UVRAG: variants seen among roughly 807,000 people sequenced by gnomAD.
The protein encoded by UVRAG is UV radiation resistance-associated gene protein.
A neutral mutation model predicts 78.0 loss-of-function variants in UVRAG; 19 were observed. The observed-to-expected ratio is 0.24, with a 90% CI of 0.17 to 0.36. The LOEUF is 0.36. Among genes scored for constraint, UVRAG ranks in the 10% least tolerant of loss-of-function variants. UVRAG has a pLI of 1.00. For missense variants in UVRAG, 740 were observed against 853.8 expected (o/e 0.87, Z 1.66); for synonymous variants, 323 against 324.6 (o/e 1.00, Z 0.05).
chr11:75,827,840 C>G (rs1452314083), intron 1 of UVRAG, among the ~76,000 whole-genome samples: 2 of 151,992 alleles, frequency 1.3e-5, no homozygotes, highest in African/African-American at 4.8e-5. Context: ...ATCCAGAAAA[C>G]TAAACTTTTA....
At position 75,861,690 on chromosome 11, in the gene UVRAG, G is replaced by A. The variant is rs1231244950; in HGVS notation, c.236-56G>A. On this transcript the variant is annotated intron_variant, in intron 2 of 14. Coordinates refer to ENST00000356136, the MANE Select transcript of UVRAG (RefSeq NM_003369.4). ...AAAAAAATTAGAGGATTAACAGTTG[G>A]TTAATGGGCTTATTTTCTTTCATAT... 9 of 1,336,152 alleles carry A rather than the reference G, an allele frequency of 6.7e-6. No individual in the cohort carries two copies. The South Asian group carries it at 1.1e-4, about 17-fold the overall frequency. 82.8% of individuals were successfully genotyped at this position (1,336,152 alleles called of 1,614,324 possible).
chr11:76,008,503 T>G (rs895880932), intron 10 of UVRAG, among the ~76,000 whole-genome samples: 11 of 152,224 alleles, frequency 7.2e-5, no homozygotes, highest in African/African-American at 2.7e-4. Flanking sequence ...TGAGTTTGCT[T>G]ATAGAATCTT....
chr11:75,980,405 A>G (rs958280029), intron 7 of UVRAG, among the ~76,000 whole-genome samples: 14 of 152,128 alleles, frequency 9.2e-5, no homozygotes, highest in South Asian at 2.1e-4. Flanking sequence ...GGCTCAAGCA[A>G]TCCTCCCACC....
chr11:75,854,704 A>C (rs1946247137), intron 2 of UVRAG, among the ~76,000 whole-genome samples: 1 of 152,238 alleles, frequency 6.6e-6, no homozygotes, highest in Non-Finnish European at 1.5e-5. Context: ...GATGTGAGCC[A>C]CTGTGCTTGG....
At chr11:76,112,616 G>A (rs930146999) in intron 13 of UVRAG, among the ~76,000 whole-genome samples, 1 of 152,136 alleles carries the variant, frequency 6.6e-6, no homozygotes, top group African/African-American at 2.4e-5. Flanking sequence ...AGCAGAGAGA[G>A]GAGGCTTCAG....
At chr11:76,041,645 A>G (rs143533610) in intron 12 of UVRAG, among the ~76,000 whole-genome samples, 57 of 152,350 alleles carry the variant, frequency 3.7e-4, no homozygotes, top group African/African-American at 1.3e-3. Context: ...AGTGAATTCT[A>G]TCTTCCAAAT....
chr11:76,135,019 G>GAATT (rs1212053579), intron 14 of UVRAG, among the ~76,000 whole-genome samples: 2 of 152,126 alleles, frequency 1.3e-5, no homozygotes, highest in African/African-American at 4.8e-5. Flanking sequence ...ATCCTGTTGT[G>GAATT]AATTGTACAT....
At chr11:75,824,799 T>A (rs1429864877) in intron 1 of UVRAG, among the ~76,000 whole-genome samples, 1 of 146,778 alleles carries the variant, frequency 6.8e-6, no homozygotes, top group Admixed American at 6.9e-5. Flanking sequence ...TCAGCCTCCC[T>A]AGTAGCTGGG....
chr11:75,977,631 T>G (rs1949273956), intron 7 of UVRAG, among the ~76,000 whole-genome samples: 1 of 152,230 alleles, frequency 6.6e-6, no homozygotes, highest in Non-Finnish European at 1.5e-5. Flanking sequence ...TGTAATGGCC[T>G]TCTTTGTCTC....
intron 6 of UVRAG, chr11:75,941,998 G>A (rs917917899): frequency 6.6e-6 from 1 of 152,110 alleles, no homozygotes; most frequent in African/African-American, 2.4e-5. Flanking sequence ...AAATGATAAT[G>A]AATAACTAGT....
chr11:75,960,830 A>T (rs1440465537), intron 6 of UVRAG, among the ~76,000 whole-genome samples: 1 of 152,218 alleles, frequency 6.6e-6, no homozygotes, highest in African/African-American at 2.4e-5. Context: ...ACCATAATTT[A>T]AAAATAAAAA....
In UVRAG at chr11:75,939,980, A is replaced by G. The variant is rs1346505183; in HGVS notation, c.594-21464A>G. On this transcript the variant is annotated intron_variant, in intron 6 of 14. Coordinates refer to ENST00000356136, the MANE Select transcript of UVRAG (RefSeq NM_003369.4). ...CCAATCCTGAAACACTATACCAAAA[A>G]CTTAAATGAGCAAAATTAATCACAT... Among the ~76,000 whole-genome samples, 4 of 152,178 alleles carry G rather than the reference A, an allele frequency of 2.6e-5. 1 individual carries two copies. The highest frequency in any genetic ancestry group is 2.0e-4 in the Admixed American group (3 of 15,270).
intron 6 of UVRAG, among the ~76,000 whole-genome samples, chr11:75,947,799 C>T (rs186488789): frequency 4.5e-4 from 69 of 152,168 alleles, no homozygotes; most frequent in Admixed American, 1.3e-3. Context: ...ACAGGTAGAA[C>T]GGGAATGATT....
chr11:75,833,265 AAGTT>A (rs1195568388), intron 1 of UVRAG, among the ~76,000 whole-genome samples: 1 of 152,132 alleles, frequency 6.6e-6, no homozygotes, highest in Admixed American at 6.6e-5. Flanking sequence ...TGCCTAAACT[AAGTT>A]AGGCAATCTG....
chr11:75,877,467 C>T (rs1221192261), intron 3 of UVRAG, among the ~76,000 whole-genome samples: 1 of 149,588 alleles, frequency 6.7e-6, no homozygotes, highest in African/African-American at 2.4e-5. Flanking sequence ...GGGGGTGACC[C>T]CCCCACCTCC....
At chr11:75,908,169 ATG>A (rs755141277) in intron 5 of UVRAG, among the ~76,000 whole-genome samples, 23 of 152,312 alleles carry the variant, frequency 1.5e-4, no homozygotes, top group Non-Finnish European at 2.8e-4. Flanking sequence ...GAATGAATGA[ATG>A]AATGTTTTTC....
intron 3 of UVRAG, among the ~76,000 whole-genome samples, chr11:75,862,303 C>T (rs1200139670): frequency 6.6e-6 from 1 of 152,120 alleles, no homozygotes; most frequent in African/African-American, 2.4e-5. Flanking sequence ...ATAGGATACT[C>T]CTACTTGTTT....
At chr11:76,140,589 A>C (rs1952698866) in intron 14 of UVRAG, 122 bp from the exon 15 acceptor site, 2 of 1,007,022 alleles carry the variant, frequency 2.0e-6, no homozygotes, top group South Asian at 1.8e-5. Context: ...ATTGTCTAAG[A>C]TTGATTCTTA....
intron 8 of UVRAG, among the ~76,000 whole-genome samples, chr11:75,988,176 A>G (rs751531001): frequency 1.6e-4 from 25 of 152,188 alleles, no homozygotes; most frequent in Non-Finnish European, 3.4e-4. Flanking sequence ...ACACAGTTTG[A>G]TGAGTTTAGC....
Sources: allele counts gnomAD v4.1 joint callset (sites outside exome capture counted in the v4.1 genomes callset), GRCh38; gene constraint gnomAD v4.1.1; transcripts MANE v1.5; gene names NCBI Gene and HGNC (gene_info 2026-07-23, HGNC 2026-07-21).